The following KIF3C variants were observed in gnomAD, a reference collection of about 807,000 sequenced individuals.
KIF3C encodes kinesin family member 3C.
Under a neutral mutation model 67.7 loss-of-function variants are expected in KIF3C, and 12 were observed. The ratio of observed to expected loss-of-function variants is 0.18; its 90% CI spans 0.11 to 0.29. The LOEUF is 0.29. Among genes scored for constraint, KIF3C ranks in the 10% least tolerant of loss-of-function variants. The pLI, the probability that KIF3C is intolerant of heterozygous loss-of-function variation, is 1.00. For synonymous variants in KIF3C, 393 were observed against 426.2 expected, an observed-to-expected ratio of 0.92 and a Z score of 0.96; for missense variants, 789 against 1,059.6, an observed-to-expected ratio of 0.74 and a Z score of 3.55.
Position 25,958,351 on chromosome 2 carries a change from T to C in KIF3C, c.1546-1907A>G, listed in dbSNP as rs1025765961. Among the ~76,000 whole-genome samples the C allele has an allele frequency of 1.3e-5, 2 of 151,884 alleles. No individual in the cohort carries two copies. Among genetic ancestry groups the C allele is most frequent in the African/African-American group, 4.8e-5 (2 of 41,324 alleles). On this transcript the variant is annotated intron_variant, in intron 1 of 7. Coordinates refer to ENST00000264712, the MANE Select transcript of KIF3C (RefSeq NM_002254.8). The surrounding 1 kb of genome is among the most constrained non-coding windows in gnomAD (Gnocchi z 4.5). The stretch of plus-strand genomic sequence containing the variant: ...ATCCCAGCACTTTGGGAAGTTGAGG[T>C]GGGCGGATCATCTGAGGTCAGGAGT...
rs1264964437 is a variant in KIF3C at position 25,951,841 on chromosome 2, G to A, written c.1954C>T (p.Leu652=). ...TTCCACTGCTCCTCCTCACAGTCCA[G>A]GAAAAGCCGGTTCATGATCTTGTTC... ...EKNKIMNRLF[L]DCEEEQWKFQ... is the part of the protein sequence containing the mutation. The change falls in exon 5 of 8, where the codon CTG becomes TTG. Residue 652 remains leucine, a synonymous_variant. Coordinates refer to ENST00000264712, the MANE Select transcript of KIF3C (RefSeq NM_002254.8). The A allele has an allele frequency of 1.2e-6, 2 of 1,614,098 alleles. No individual in the cohort carries two copies. Among genetic ancestry groups the A allele is most frequent in the Non-Finnish European group, 1.7e-6 (2 of 1,179,956 alleles).
At position 25,962,932 on chromosome 2, in the gene KIF3C, C is replaced by CATATAATATATATAAT. The variant is rs1401195505; in HGVS notation, c.1546-6489_1546-6488insATTATATATATTATAT. 1.9e-3 allele frequency among the ~76,000 whole-genome samples: 69 copies of CATATAATATATATAAT among 36,566 alleles called. 6 individuals are homozygous for CATATAATATATATAAT. Among genetic ancestry groups the CATATAATATATATAAT allele is most frequent in the African/African-American group, 7.0e-3 (49 of 7,044 alleles). 24.0% of individuals were successfully genotyped at this position (36,566 alleles called of 152,430 possible). A position where few individuals can be genotyped will look rare whatever the true frequency, so the allele number is the denominator to read the frequency against. ...TATATAATATATATAATATATAATA[C>CATATAATATATATAAT]ATATAATATATAATATATAATATAT... On this transcript the variant is annotated intron_variant, in intron 1 of 7. Transcript: ENST00000264712.
At chr2:25,956,130 G>C (rs1663801366) in intron 2 of KIF3C, among the ~76,000 whole-genome samples, 1 of 152,206 alleles carries the variant, frequency 6.6e-6, no homozygotes, top group Non-Finnish European at 1.5e-5. Context: ...GTTATGGAGA[G>C]CTATCACGTC....
At chr2:25,948,233 T>C (rs1302333024) in intron 5 of KIF3C, among the ~76,000 whole-genome samples, 1 of 150,810 alleles carries the variant, frequency 6.6e-6, no homozygotes, top group Non-Finnish European at 1.5e-5. Context: ...TCAAAAATAA[T>C]ACAAATAAAT....
rs555108571 is a variant in KIF3C, at chr2:25,958,989, G to A, written c.1546-2545C>T. Reference sequence around the variant, plus strand: ...CTCAGGAGGCTGAGGCAGGAGAATCGCTTGAACACGGGAGGCGGAGGTTGT... The same window carrying A: ...CTCAGGAGGCTGAGGCAGGAGAATCACTTGAACACGGGAGGCGGAGGTTGT... On this transcript the variant is annotated intron_variant, in intron 1 of 7. Transcript: ENST00000264712. This position sits in a 1 kb window ranked among gnomAD's most constrained non-coding sequence, Gnocchi z 4.5. Among the ~76,000 whole-genome samples, 2 of 152,164 alleles carry A rather than the reference G, an allele frequency of 1.3e-5. No homozygotes were observed. The highest frequency in any genetic ancestry group is 4.1e-4 in the South Asian group (2 of 4,826).
rs1248270272 is a variant in KIF3C at position 25,981,440 on chromosome 2, C to T, written c.478G>A (p.Glu160Lys). 5.0e-6 allele frequency: 8 copies of T among 1,614,140 alleles called. No homozygotes were observed. The East Asian group carries it at 6.7e-5, about 13-fold the overall frequency. Residue 160 changes from glutamate to lysine, a missense_variant, in exon 1 of 8, where the codon GAG becomes AAG. Transcript: ENST00000264712. The surrounding 1 kb of genome is among the most constrained non-coding windows in gnomAD (Gnocchi z 8.2). ...TTCAGCTCTAGCCTCTTGCCCGGCT[C>T]CTTGGAGAGCAGGTCTCGAATCTCT... ...QEEIRDLLSK[E>K]PGKRLELKEN...
intron 5 of KIF3C, chr2:25,938,244 C>T: frequency 2.2e-6 from 1 of 451,010 alleles, no homozygotes; most frequent in African/African-American, 2.0e-5. Flanking sequence ...CCTGTAACCC[C>T]AGCTACTGAG....
chr2:25,980,624 C>T lies in KIF3C; in HGVS notation c.1294G>A (p.Ala432Thr), dbSNP rs1664542197. 3.1e-6 allele frequency: 5 copies of T among 1,614,058 alleles called. No individual in the cohort carries two copies. The highest frequency in any genetic ancestry group is 4.2e-6 in the Non-Finnish European group (5 of 1,180,036). ...PEGPVIEAWVAEEEDDNNNNH... is the reference protein window; with the variant it reads ...PEGPVIEAWVTEEEDDNNNNH... ...TTGTTGTTGTCATCCTCCTCTTCTG[C>T]CACCCAGGCCTCAATCACTGGGCCC... is the stretch of plus-strand genomic sequence containing the variant. Residue 432 changes from alanine (A) to threonine (T), a missense_variant, in exon 1 of 8, where the codon GCA (alanine) becomes ACA (threonine). By Grantham distance (58) the Ala-to-Thr change is moderately conservative (BLOSUM62 0). Around this residue, in one of 2 missense-constraint regions of KIF3C, gnomAD observed 648 missense variants for 807.8 expected, o/e 0.80. Coordinates refer to ENST00000264712, the MANE Select transcript of KIF3C (RefSeq NM_002254.8). The surrounding 1 kb of genome is among the most constrained non-coding windows in gnomAD (Gnocchi z 7.6).
In KIF3C at chr2:25,963,144, A is replaced by ATGTG. The variant is rs769083088; in HGVS notation, c.1546-6701_1546-6700insCACA. ...TACATGTATATGTATATATATGCAT[A>ATGTG]TATGTGTGTGTGTGTATGTATGTGT... On this transcript the variant is annotated intron_variant, in intron 1 of 7. Transcript: ENST00000264712. 2.1e-3 allele frequency among the ~76,000 whole-genome samples: 201 copies of ATGTG among 96,614 alleles called. 3 individuals carry two copies. Among genetic ancestry groups the ATGTG allele is most frequent in the African/African-American group, 8.3e-3 (191 of 22,942 alleles). The allele number at this position is 96,614 out of a possible 152,430, so 63.4% of individuals were successfully genotyped here. A position where few individuals can be genotyped will look rare whatever the true frequency, so the allele number is the denominator to read the frequency against.
chr2:25,955,495 G>A lies in KIF3C; in HGVS notation c.1770+46C>T, dbSNP rs1224809585. Reference sequence around the variant, plus strand: ...AGCACACATCCCTTGGGCAGAGACTGCTGGGCCTCCAGCACACCTTAACCG... The same window carrying A: ...AGCACACATCCCTTGGGCAGAGACTACTGGGCCTCCAGCACACCTTAACCG... On this transcript the variant is annotated intron_variant, in intron 3 of 7. Transcript: ENST00000264712. The surrounding 1 kb of genome is among the most constrained non-coding windows in gnomAD (Gnocchi z 5.0). 4 of 1,607,758 alleles carry A rather than the reference G, an allele frequency of 2.5e-6. No individual in the cohort carries two copies. The East Asian group carries it at 8.9e-5, about 36-fold the overall frequency.
chr2:25,941,590 C>T (rs1157817544), intron 5 of KIF3C, among the ~76,000 whole-genome samples: 1 of 151,230 alleles, frequency 6.6e-6, no homozygotes, highest in African/African-American at 2.4e-5. Flanking sequence ...GACAATTTTA[C>T]CTAAACACAA....
At chr2:25,965,596 C>T (rs984093851) in intron 1 of KIF3C, among the ~76,000 whole-genome samples, 2 of 151,562 alleles carry the variant, frequency 1.3e-5, no homozygotes, top group Admixed American at 6.6e-5. Context: ...CCCAAATAGC[C>T]GCATGAGCCA....
At position 25,930,037 on chromosome 2, in the gene KIF3C, G is replaced by A; in HGVS notation, c.2033C>T (p.Pro678Leu). Residue 678 changes from proline to leucine, a missense_variant, in exon 6 of 8, where the codon CCA becomes CTA. Coordinates refer to ENST00000264712, the MANE Select transcript of KIF3C (RefSeq NM_002254.8). ...GVSSSQMKKR[P>L]TSAVGYKRPI... ...CCTCTTGTAGCCCACTGCAGATGTT[G>A]GCCGCTTCTTCATCTGGCTGCTACT... The A allele has an allele frequency of 6.2e-7, 1 of 1,614,106 alleles. No individual in the cohort carries two copies.
rs1378356122 is a variant in KIF3C at position 25,963,042 on chromosome 2, ATATATAAATAT to A, written c.1546-6609_1546-6599del. 5.8e-4 allele frequency among the ~76,000 whole-genome samples: 35 copies of A among 60,800 alleles called. 1 individual carries two copies. Among genetic ancestry groups the A allele is most frequent in the African/African-American group, 3.2e-3 (34 of 10,682 alleles). 39.9% of individuals were successfully genotyped at this position (60,800 alleles called of 152,430 possible). A position where few individuals can be genotyped will look rare whatever the true frequency, so the allele number is the denominator to read the frequency against. ...TATAATATATAATATATAATATATA[ATATATAAATAT>A]ATAAATATATATACACACATACACA... On this transcript the variant is annotated intron_variant, in intron 1 of 7. Transcript: ENST00000264712.
intron 1 of KIF3C, among the ~76,000 whole-genome samples, chr2:25,963,206 T>A (rs1313390788): frequency 6.4e-4 from 55 of 86,554 alleles, no homozygotes; most frequent in African/African-American, 2.3e-3. Context: ...ATTTTTTTTT[T>A]TTTTTTTTTT....
chr2:25,981,720 G>A lies in KIF3C; in HGVS notation c.198C>T (p.Ala66=). The A allele has an allele frequency of 6.2e-7, 1 of 1,613,588 alleles. No homozygotes were observed. The highest frequency in any genetic ancestry group is 8.5e-7 in the Non-Finnish European group (1 of 1,179,636). Residue 66 remains alanine (A), a synonymous_variant, in exon 1 of 8, where the codon GCC becomes GCT. Transcript: ENST00000264712. This position sits in a 1 kb window ranked among gnomAD's most constrained non-coding sequence, Gnocchi z 8.2. Reference sequence around the variant, plus strand: ...CATACAGGTCGGCCTGCTTGGAGCTGGCATCATACACGGCGTCAAAGGTGA... The same window carrying A: ...CATACAGGTCGGCCTGCTTGGAGCTAGCATCATACACGGCGTCAAAGGTGA... ...KTFTFDAVYD[A]SSKQADLYDE...
chr2:25,982,332 G>A lies in KIF3C; in HGVS notation c.-415C>T, dbSNP rs1181280671. On this transcript the variant is annotated 5_prime_UTR_variant, in exon 1 of 8. Coordinates refer to ENST00000264712, the MANE Select transcript of KIF3C (RefSeq NM_002254.8). ...TCCTTCCTCTAGGGATCCATAGCGT[G>A]GGCTGCCGGTCGTGGGCGGCCGGGG... The A allele has an allele frequency of 2.5e-6, 1 of 398,996 alleles. No individual in the cohort carries two copies. Among genetic ancestry groups the A allele is most frequent in the African/African-American group, 2.1e-5 (1 of 48,610 alleles). 24.7% of individuals were successfully genotyped at this position (398,996 alleles called of 1,614,324 possible).
intron 1 of KIF3C, among the ~76,000 whole-genome samples, chr2:25,963,413 G>T (rs1664058669): frequency 6.7e-6 from 1 of 148,632 alleles, no homozygotes; most frequent in African/African-American, 2.5e-5. Flanking sequence ...TTGCCATGTT[G>T]CCCAGGCTGG....
Position 25,958,091 on chromosome 2 carries a change from AT to A in KIF3C, c.1546-1648del, listed in dbSNP as rs1352611945. On this transcript the variant is annotated intron_variant, in intron 1 of 7. Transcript: ENST00000264712. The surrounding 1 kb of genome is among the most constrained non-coding windows in gnomAD (Gnocchi z 4.5). ...CCCTGCCCTGCCTCTCATCCGTTGC[AT>A]CTGGCCAGTGAGTCAAGGCCATCAA... Among the ~76,000 whole-genome samples the A allele has an allele frequency of 1.3e-5, 2 of 152,030 alleles. No individual in the cohort carries two copies. Among genetic ancestry groups the A allele is most frequent in the Admixed American group, 6.6e-5 (1 of 15,266 alleles).
Sources: allele counts gnomAD v4.1 joint callset (sites outside exome capture counted in the v4.1 genomes callset), GRCh38; gene constraint gnomAD v4.1.1; regional missense constraint gnomAD v4.1.1; non-coding constraint Gnocchi (gnomAD v3.1); transcripts MANE v1.5; gene names NCBI Gene and HGNC (gene_info 2026-07-23, HGNC 2026-07-21).